NLRP2: variants seen among roughly 807,000 people sequenced by gnomAD.
NLRP2 encodes the protein NLR family pyrin domain containing 2.
Under a neutral mutation model 97.2 loss-of-function variants are expected in NLRP2, and 107 were observed. The ratio of observed to expected loss-of-function variants is 1.10; its 90% CI spans 0.94 to 1.29. The LOEUF is 1.29. NLRP2 is among the 50% of genes most tolerant of loss of function. The pLI, the probability that NLRP2 is intolerant of heterozygous loss-of-function variation, is 0.00. For synonymous variants in NLRP2, 663 were observed against 551.5 expected (o/e 1.20, Z -2.83); for missense variants, 1,495 against 1,330.3 (o/e 1.12, Z -1.93).
intron 6 of NLRP2, among the ~76,000 whole-genome samples, chr19:54,984,835 C>T (rs368637773): frequency 1.3e-5 from 2 of 151,968 alleles, no homozygotes; most frequent in South Asian, 2.1e-4. Flanking sequence ...CTTATTTTTA[C>T]CCTCTATTGG....
intron 1 of NLRP2, among the ~76,000 whole-genome samples, chr19:54,968,521 A>G (rs985594837): frequency 6.8e-6 from 1 of 147,000 alleles, no homozygotes; most frequent in African/African-American, 2.5e-5. Flanking sequence ...TTTTTTGTAG[A>G]GACAGGGTTT....
At chr19:54,990,839 A>AAGT in intron 10 of NLRP2, 167 bp downstream of exon 10, 1 of 715,696 alleles carries the variant, frequency 1.4e-6, no homozygotes. Flanking sequence ...AAAAAAGTAT[A>AAGT]AGTAGTAGTA....
At chr19:54,981,858 A>C (rs2071598095) in intron 5 of NLRP2, among the ~76,000 whole-genome samples, 176 bp downstream of exon 5, 1 of 151,980 alleles carries the variant, frequency 6.6e-6, no homozygotes, top group Non-Finnish European at 1.5e-5. Context: ...GACTCACTGC[A>C]ACCTCCGCCT....
rs767184044 is a variant in NLRP2 at position 54,990,552 on chromosome 19, T to C, written c.2588T>C (p.Val863Ala). ...GCCAATTGCAAGGACCTTGCTGCTGTGTTGGTTGTCAGCCGGGAGCTGACA... is the reference window on the plus strand; with the variant it reads ...GCCAATTGCAAGGACCTTGCTGCTGCGTTGGTTGTCAGCCGGGAGCTGACA... ...TEANCKDLAA[V>A]LVVSRELTHL... The change falls in exon 10 of 13, where the codon GTG (valine) becomes GCG (alanine). Residue 863 changes from valine to alanine, a missense_variant. Transcript: ENST00000448584. The C allele has an allele frequency of 1.2e-6, 2 of 1,614,190 alleles. No homozygotes were observed. Among genetic ancestry groups the C allele is most frequent in the Non-Finnish European group, 1.7e-6 (2 of 1,180,030 alleles).
intron 4 of NLRP2, 109 bp from the exon 5 acceptor site, chr19:54,981,508 T>TCCCCCCCCCCCCCCC: frequency 4.6e-6 from 2 of 438,150 alleles, no homozygotes; most frequent in South Asian, 1.8e-5. Context: ...TCTGATCCCG[T>TCCCCCCCCCCCCCCC]GCCCCCCCTC....
At chr19:54,984,329 G>GTGTTTTTTTTTTTTTTTT in intron 6 of NLRP2, among the ~76,000 whole-genome samples, 17 of 79,676 alleles carry the variant, frequency 2.1e-4, no homozygotes, top group African/African-American at 7.4e-4. Context: ...TTTTTTTTGT[G>GTGTTTTTTTTTTTTTTTT]TTTTTTTTTT....
At chr19:54,997,275 A>AGCACT in intron 11 of NLRP2, 42 bp from the exon 12 acceptor site, 1 of 1,606,224 alleles carries the variant, frequency 6.2e-7, no homozygotes, top group Non-Finnish European at 8.5e-7. Flanking sequence ...GGCATCGATC[A>AGCACT]GCACTGGCTG....
At chr19:54,994,580 G>A in intron 11 of NLRP2, 141 bp downstream of exon 11, 3 of 884,936 alleles carry the variant, frequency 3.4e-6, no homozygotes, top group South Asian at 1.4e-5. Flanking sequence ...TTACTAGGAT[G>A]GTTAAAGGAA....
In NLRP2 at chr19:55,001,009, T is replaced by C; in HGVS notation, c.*111T>C. On this transcript the variant is annotated 3_prime_UTR_variant, in exon 13 of 13. Coordinates refer to ENST00000448584, the MANE Select transcript of NLRP2 (RefSeq NM_017852.5). ...CTACCCCTCAGGGATAATGAGTTCA[T>C]TGCTGGGCTAGATGTTTTAGCCATG... is the stretch of plus-strand genomic sequence containing the variant. The C allele has an allele frequency of 1.1e-6, 1 of 941,006 alleles. No homozygotes were observed. Among genetic ancestry groups the C allele is most frequent in the Non-Finnish European group, 1.7e-6 (1 of 585,234 alleles). 58.3% of individuals were successfully genotyped at this position (941,006 alleles called of 1,614,324 possible).
Position 54,983,565 on chromosome 19 carries a change from G to T in NLRP2, c.1867G>T (p.Ala623Ser). Residue 623 changes from alanine (A) to serine (S), a missense_variant, in exon 6 of 13, where the codon GCT (alanine) becomes TCT (serine). Ala to Ser is a moderately conservative substitution (Grantham distance 99). Coordinates refer to ENST00000448584, the MANE Select transcript of NLRP2 (RefSeq NM_017852.5). ...QEEELVKEVM[A>S]QFKEISLHLN... ...GGAGGAGCTGGTGAAGGAGGTGATGGCTCAGTTCAAAGAAATATCCCTGCA... is the reference window on the plus strand; with the variant it reads ...GGAGGAGCTGGTGAAGGAGGTGATGTCTCAGTTCAAAGAAATATCCCTGCA... The T allele has an allele frequency of 1.2e-6, 2 of 1,614,158 alleles. No homozygotes were observed. Among genetic ancestry groups the T allele is most frequent in the Non-Finnish European group, 1.7e-6 (2 of 1,180,026 alleles).
chr19:54,994,257 G>C lies in NLRP2; in HGVS notation c.2709-12G>C. The stretch of plus-strand genomic sequence containing the variant: ...GGTTCGGGTTTGCTTTCTTCCTGTG[G>C]TTGATTTCTAGGCTTTGGAACTGCG... On this transcript the variant is annotated splice_polypyrimidine_tract_variant and intron_variant, in intron 10 of 12. Coordinates refer to ENST00000448584, the MANE Select transcript of NLRP2 (RefSeq NM_017852.5). The C allele has an allele frequency of 6.2e-7, 1 of 1,614,048 alleles. No homozygotes were observed. Among genetic ancestry groups the C allele is most frequent in the South Asian group, 1.1e-5 (1 of 91,078 alleles).
At chr19:54,981,508 T>TGC in intron 4 of NLRP2, 109 bp from the exon 5 acceptor site, 2 of 438,150 alleles carry the variant, frequency 4.6e-6, no homozygotes, top group Non-Finnish European at 4.6e-6. Context: ...TCTGATCCCG[T>TGC]GCCCCCCCTC....
chr19:54,970,205 G>A lies in NLRP2; in HGVS notation c.190G>A (p.Asp64Asn), dbSNP rs374722220. 2.7e-5 allele frequency: 43 copies of A among 1,614,008 alleles called. No individual in the cohort carries two copies. Among genetic ancestry groups the A allele is most frequent in the Non-Finnish European group, 3.6e-5 (42 of 1,180,018 alleles). ...GGTAGAAATCCTCACCACCCATTGT[G>A]ACAGCTACTGGGTGGAGATGGCGAG... Reference protein sequence around the residue: ...QLVEILTTHCDSYWVEMASLQ... With the variant: ...QLVEILTTHCNSYWVEMASLQ... The change falls in exon 2 of 13, where the codon GAC becomes AAC. Residue 64 changes from aspartate to asparagine, a missense_variant. Coordinates refer to ENST00000448584, the MANE Select transcript of NLRP2 (RefSeq NM_017852.5).
intron 1 of NLRP2, among the ~76,000 whole-genome samples, chr19:54,968,090 G>A (rs989563324): frequency 6.6e-6 from 1 of 151,714 alleles, no homozygotes; most frequent in East Asian, 1.9e-4. Context: ...GCTAATTTTC[G>A]TATTTTTAGT....
rs150872882 is a variant in NLRP2 at position 54,974,511 on chromosome 19, A to G, written c.292A>G (p.Lys98Glu). Residue 98 changes from lysine (K) to glutamate (E), a missense_variant, in exon 3 of 13, where the codon AAA becomes GAA. Coordinates refer to ENST00000448584, the MANE Select transcript of NLRP2 (RefSeq NM_017852.5). ...TTCTCCTTTTTCAGAAGCAGCTTTGAAATCCTTTAATAAAAGGAAGCCTCT... is the reference window on the plus strand; with the variant it reads ...TTCTCCTTTTTCAGAAGCAGCTTTGGAATCCTTTAATAAAAGGAAGCCTCT... ...AKDEVREAAL[K>E]SFNKRKPLSL... 521 of 1,611,586 alleles carry G rather than the reference A, an allele frequency of 3.2e-4. 7 individuals carry two copies. In the East Asian group the frequency reaches 0.012, roughly 36 times the overall value.
Position 54,983,466 on chromosome 19 carries a change from A to C in NLRP2, c.1768A>C (p.Ile590Leu). 2 of 1,614,170 alleles carry C rather than the reference A, an allele frequency of 1.2e-6. No homozygotes were observed. Among genetic ancestry groups the C allele is most frequent in the Admixed American group, 1.7e-5 (1 of 60,000 alleles). ...DIKQELLRCDISCKGGHSTVT... is the reference protein window; with the variant it reads ...DIKQELLRCDLSCKGGHSTVT... ...CAAACAGGAATTGCTGCGATGCGAC[A>C]TAAGTTGTAAGGGTGGACATTCAAC... Residue 590 changes from isoleucine (I) to leucine (L), a missense_variant, in exon 6 of 13, where the codon ATA (isoleucine) becomes CTA (leucine). Ile to Leu is a conservative substitution (Grantham distance 5, BLOSUM62 2). Transcript: ENST00000448584.
Position 54,983,522 on chromosome 19 carries a change from T to A in NLRP2, c.1824T>A (p.Cys608Ter), listed in dbSNP as rs1488666933. The A allele has an allele frequency of 6.2e-7, 1 of 1,614,152 alleles. No individual in the cohort carries two copies. The highest frequency in any genetic ancestry group is 1.1e-5 in the South Asian group (1 of 91,078). ...CAGACCTGCAGGAGCTCCTCGGCTG[T>A]CTGTACGAGTCTCAGGAGGAGGAGC... ...TVTDLQELLGCLYESQEEELV... is the reference protein window; with the variant it reads ...TVTDLQELLG Residue 608 changes from cysteine to a stop codon, truncating the protein, a stop_gained, in exon 6 of 13, where the codon TGT becomes TGA. Coordinates refer to ENST00000448584, the MANE Select transcript of NLRP2 (RefSeq NM_017852.5). LOFTEE classifies it high-confidence loss of function.
intron 10 of NLRP2, chr19:54,993,973 C>G (rs1308815272): frequency 2.0e-6 from 1 of 502,392 alleles, no homozygotes; most frequent in African/African-American, 1.9e-5. Flanking sequence ...ACTCTCAGCT[C>G]CCTCTTATGA....
chr19:54,970,217 G>A lies in NLRP2; in HGVS notation c.202G>A (p.Val68Met). The A allele has an allele frequency of 6.2e-7, 1 of 1,614,210 alleles. No homozygotes were observed. The highest frequency in any genetic ancestry group is 1.6e-4 in the Middle Eastern group (1 of 6,062). Residue 68 changes from valine to methionine, a missense_variant, in exon 2 of 13, where the codon GTG becomes ATG. Transcript: ENST00000448584. ...ILTTHCDSYW[V>M]EMASLQVFEK... ...CACCACCCATTGTGACAGCTACTGGGTGGAGATGGCGAGCCTCCAGGTCTT... is the reference window on the plus strand; with the variant it reads ...CACCACCCATTGTGACAGCTACTGGATGGAGATGGCGAGCCTCCAGGTCTT...
Sources: gnomAD v4.1 joint callset for allele counts (sites outside exome capture counted in the v4.1 genomes callset) on GRCh38, gnomAD v4.1.1 for gene constraint, MANE v1.5 for transcripts, NCBI Gene and HGNC (gene_info 2026-07-23, HGNC 2026-07-21) for gene names.